Variants in PTPRN2 observed in about 807,000 individuals in gnomAD.
The protein encoded by PTPRN2 is receptor-type tyrosine-protein phosphatase N2.
In PTPRN2, 74 loss-of-function variants were observed where a neutral mutation model predicts 118.8. That is an observed-to-expected ratio of 0.62 (90% CI 0.52 to 0.76). The LOEUF (loss-of-function observed/expected upper bound fraction) is 0.76, where lower values mean the gene tolerates loss of function less well. Among genes scored for constraint, PTPRN2 ranks in the 30% least tolerant of loss-of-function variants. The pLI is 0.00. For missense variants in PTPRN2, 1,481 were observed against 1,394.4 expected, an observed-to-expected ratio of 1.06 and a Z score of -0.99; for synonymous variants, 641 against 608.0, an observed-to-expected ratio of 1.05 and a Z score of -0.80.
intron 11 of PTPRN2, among the ~76,000 whole-genome samples, chr7:157,905,418 G>A (rs1203079307): frequency 1.3e-5 from 2 of 152,156 alleles, no homozygotes; most frequent in Admixed American, 1.3e-4. Flanking sequence ...TAAAGGCACA[G>A]AATAACAGAG....
At chr7:157,751,990 G>A (rs1028493320) in intron 12 of PTPRN2, among the ~76,000 whole-genome samples, 4 of 152,102 alleles carry the variant, frequency 2.6e-5, no homozygotes, top group East Asian at 1.9e-4. Flanking sequence ...CCGGCCTTGC[G>A]AGACTCCCAT....
chr7:158,419,473 G>T (rs569253084), intron 2 of PTPRN2, among the ~76,000 whole-genome samples: 1 of 92,782 alleles, frequency 1.1e-5, no homozygotes, highest in East Asian at 2.3e-4. Flanking sequence ...TCAAGTGCAC[G>T]GGGCCTCGGG....
intron 12 of PTPRN2, among the ~76,000 whole-genome samples, chr7:157,741,160 C>T (rs1800613084): frequency 6.6e-6 from 1 of 152,228 alleles, no homozygotes; most frequent in Admixed American, 6.5e-5. Context: ...AGGCCCTGTC[C>T]ACCAGCCCTA....
At chr7:158,270,920 A>ACCGCCCCCT (rs1798405219) in intron 3 of PTPRN2, among the ~76,000 whole-genome samples, 1 of 12,840 alleles carries the variant, frequency 7.8e-5, no homozygotes, top group Non-Finnish European at 1.4e-4. Flanking sequence ...CCCCACCTGG[A>ACCGCCCCCT]CCACCCCCCC....
In PTPRN2 at chr7:157,893,158, T is replaced by C. The variant is rs1161534171; in HGVS notation, c.1788+5515A>G. ...AGGAAGACAGGCAGGTCAGGGTGAATGAGCTCCTTGTGGCCAGATCGTAAC... is the reference window on the plus strand; with the variant it reads ...AGGAAGACAGGCAGGTCAGGGTGAACGAGCTCCTTGTGGCCAGATCGTAAC... On this transcript the variant is annotated intron_variant, in intron 12 of 22. Transcript: ENST00000389418. The surrounding 1 kb of genome is among the most constrained non-coding windows in gnomAD (Gnocchi z 4.0). Among the ~76,000 whole-genome samples the C allele has an allele frequency of 6.6e-6, 1 of 152,218 alleles. No homozygotes were observed. Among genetic ancestry groups the C allele is most frequent in the African/African-American group, 2.4e-5 (1 of 41,450 alleles).
intron 2 of PTPRN2, among the ~76,000 whole-genome samples, chr7:158,396,968 T>C (rs1812563215): frequency 6.6e-6 from 1 of 152,268 alleles, no homozygotes; most frequent in Admixed American, 6.5e-5. Flanking sequence ...ATTGCAGCTT[T>C]GGAAAGAAAC....
At chr7:158,059,328 G>A (rs867680281) in intron 11 of PTPRN2, among the ~76,000 whole-genome samples, 2,844 of 62,620 alleles carry the variant, frequency 0.045, 5 homozygotes, top group Non-Finnish European at 0.055. Flanking sequence ...ACACAGTGAC[G>A]CATCACTGCA....
At chr7:158,277,643 AG>A (rs1799111308) in intron 3 of PTPRN2, among the ~76,000 whole-genome samples, 1 of 152,224 alleles carries the variant, frequency 6.6e-6, no homozygotes, top group Non-Finnish European at 1.5e-5. Flanking sequence ...GTGCACACGC[AG>A]GGGCTGGGAC....
At chr7:158,328,320 C>T (rs1803822025) in intron 2 of PTPRN2, among the ~76,000 whole-genome samples, 1 of 152,222 alleles carries the variant, frequency 6.6e-6, no homozygotes, top group Non-Finnish European at 1.5e-5. Flanking sequence ...TGGGCTGCGT[C>T]CAAGGCAGGA....
At position 158,587,620 on chromosome 7, in the gene PTPRN2, G is replaced by GGCGGCAGCAGCAGCAGTAGCAGCA; in HGVS notation, c.26_49dup (p.Leu9_Pro16dup). ...CGAAGGGGCGGCAGGCAGGACGCGT[G>GGCGGCAGCAGCAGCAGTAGCAGCA]GCGGCAGCAGCAGCAGTAGCAGCAG... On this transcript the variant is annotated inframe_insertion, in exon 1 of 23. Coordinates refer to ENST00000389418, the MANE Select transcript of PTPRN2 (RefSeq NM_002847.5). 1.5e-6 allele frequency: 2 copies of GGCGGCAGCAGCAGCAGTAGCAGCA among 1,361,688 alleles called. No homozygotes were observed. The highest frequency in any genetic ancestry group is 1.9e-6 in the Non-Finnish European group (2 of 1,063,280). 84.4% of individuals were successfully genotyped at this position (1,361,688 alleles called of 1,614,324 possible). A position where few individuals can be genotyped will look rare whatever the true frequency, so the allele number is the denominator to read the frequency against.
intron 1 of PTPRN2, among the ~76,000 whole-genome samples, chr7:158,520,840 C>A (rs192310262): frequency 6.6e-6 from 1 of 152,300 alleles, no homozygotes; most frequent in African/African-American, 2.4e-5. Context: ...GTCTGAGCAC[C>A]AGATCGGTAA....
At chr7:158,289,362 T>A (rs1563092847) in intron 3 of PTPRN2, among the ~76,000 whole-genome samples, 1 of 152,220 alleles carries the variant, frequency 6.6e-6, no homozygotes, top group Non-Finnish European at 1.5e-5. Flanking sequence ...TCCCGTTTAC[T>A]CTTTTTCTCC....
intron 12 of PTPRN2, among the ~76,000 whole-genome samples, chr7:157,738,816 G>T (rs1397303358): frequency 6.6e-6 from 1 of 152,072 alleles, no homozygotes; most frequent in East Asian, 1.9e-4. Context: ...AGGGGTAGGG[G>T]CATCATGTCC....
rs575460893 is a variant in PTPRN2 at position 158,036,276 on chromosome 7, T to C, written c.1723+45022A>G. ...AAAACAAAAACACAAAATGCCAGAA[T>C]TGAATTGAAAGGAATGGTATCTGAC... On this transcript the variant is annotated intron_variant, in intron 11 of 22. Coordinates refer to ENST00000389418, the MANE Select transcript of PTPRN2 (RefSeq NM_002847.5). 1.8e-3 allele frequency among the ~76,000 whole-genome samples: 275 copies of C among 152,302 alleles called. 1 individual carries two copies. Among genetic ancestry groups the C allele is most frequent in the Non-Finnish European group, 2.9e-3 (198 of 68,026 alleles).
chr7:157,677,272 AT>A (rs947077703), intron 13 of PTPRN2, among the ~76,000 whole-genome samples: 10 of 150,662 alleles, frequency 6.6e-5, no homozygotes, highest in East Asian at 1.9e-4. Context: ...AGACTTTCCA[AT>A]TTTTTTTTTA....
At chr7:158,423,031 C>T (rs536044667) in intron 2 of PTPRN2, among the ~76,000 whole-genome samples, 56 of 152,244 alleles carry the variant, frequency 3.7e-4, no homozygotes, top group Non-Finnish European at 7.6e-4. Context: ...GGCCGATAAA[C>T]CCGAGACCAC....
intron 5 of PTPRN2, among the ~76,000 whole-genome samples, chr7:158,170,188 G>GC (rs1823411827): frequency 1.3e-5 from 2 of 152,154 alleles, no homozygotes; most frequent in African/African-American, 4.8e-5. Flanking sequence ...ACAACAAACA[G>GC]CCCCTCTAGC....
At chr7:158,549,598 TAGGGTGGAGGA>T (rs1384236394) in intron 1 of PTPRN2, among the ~76,000 whole-genome samples, 1 of 152,228 alleles carries the variant, frequency 6.6e-6, no homozygotes, top group Admixed American at 6.5e-5. Context: ...GAGCGCTCGC[TAGGGTGGAGGA>T]AGCAGCTGTG....
At chr7:157,738,366 A>T (rs1800425866) in intron 12 of PTPRN2, among the ~76,000 whole-genome samples, 1 of 152,200 alleles carries the variant, frequency 6.6e-6, no homozygotes, top group South Asian at 2.1e-4. Context: ...CGTGAAGTTC[A>T]TCAGCAGAGG....
Sources: gnomAD v4.1 joint callset for allele counts (sites outside exome capture counted in the v4.1 genomes callset) on GRCh38, gnomAD v4.1.1 for gene constraint, Gnocchi (gnomAD v3.1) non-coding constraint, MANE v1.5 for transcripts, NCBI Gene and HGNC (gene_info 2026-07-23, HGNC 2026-07-21) for gene names.